The following GRIA3 variants were observed in gnomAD, a reference collection of about 807,000 sequenced individuals.
GRIA3 encodes glutamate ionotropic receptor AMPA type subunit 3.
A neutral mutation model predicts 63.0 loss-of-function variants in GRIA3; 3 were observed. The observed-to-expected ratio is 0.05, with a 90% CI of 0.02 to 0.12. The LOEUF is 0.12. Among genes scored for constraint, GRIA3 ranks in the 10% least tolerant of loss-of-function variants. GRIA3 has a pLI of 1.00. For missense variants in GRIA3, 347 were observed against 700.9 expected (o/e 0.50, Z 5.70); for synonymous variants, 274 against 257.9 (o/e 1.06, Z -0.60).
intron 2 of GRIA3, among the ~76,000 whole-genome samples, chrX:123,189,888 A>G (rs1395900142): frequency 9.0e-6 from 1 of 111,331 alleles, no homozygotes; most frequent in Non-Finnish European, 1.9e-5. Context: ...TTGAAATATA[A>G]CTGCTGAGAA....
At chrX:123,382,507 G>C (rs867510104) in intron 5 of GRIA3, among the ~76,000 whole-genome samples, 15 of 112,060 alleles carry the variant, frequency 1.3e-4, no homozygotes, top group South Asian at 7.5e-4. Context: ...GTTGGGTATA[G>C]AGATAAGTGC....
At chrX:123,455,471 C>T (rs1169659533) in intron 12 of GRIA3, among the ~76,000 whole-genome samples, 2 of 111,653 alleles carry the variant, frequency 1.8e-5, no homozygotes, top group Admixed American at 1.9e-4. Flanking sequence ...CCAAATGCAC[C>T]TTATTAGAGC....
At chrX:123,314,347 A>G (rs1244647650) in intron 3 of GRIA3, among the ~76,000 whole-genome samples, 1 of 112,744 alleles carries the variant, frequency 8.9e-6, no homozygotes, top group Admixed American at 9.4e-5. Context: ...GTGAGTTTGC[A>G]TCGCAGGCAG....
intron 2 of GRIA3, among the ~76,000 whole-genome samples, chrX:123,191,621 G>C (rs182372057): frequency 9.0e-6 from 1 of 110,985 alleles, no homozygotes; most frequent in Non-Finnish European, 1.9e-5. Flanking sequence ...GCTGGTCTCT[G>C]CCTACTCACT....
intron 3 of GRIA3, among the ~76,000 whole-genome samples, chrX:123,300,446 G>T (rs1248895503): frequency 1.0e-5 from 1 of 95,975 alleles, no homozygotes; most frequent in Non-Finnish European, 2.0e-5. Context: ...TCTTTTCAGG[G>T]ATTTAATTTC....
intron 1 of GRIA3, 142 bp downstream of exon 1, chrX:123,184,786 G>A (rs1927207760): frequency 5.9e-6 from 3 of 506,618 alleles, no homozygotes; most frequent in South Asian, 5.2e-5. Flanking sequence ...GAGATGGTGC[G>A]GGGCGGGGGG....
chrX:123,248,871 G>T (rs2044374328), intron 2 of GRIA3, among the ~76,000 whole-genome samples: 1 of 112,153 alleles, frequency 8.9e-6, no homozygotes, highest in Non-Finnish European at 1.9e-5. Flanking sequence ...TCCCCCAAAA[G>T]AATCATGACT....
chrX:123,297,786 T>C (rs2044695818), intron 3 of GRIA3, among the ~76,000 whole-genome samples: 1 of 110,615 alleles, frequency 9.0e-6, no homozygotes. Context: ...TAAACTTATG[T>C]CATAGGGGTT....
intron 5 of GRIA3, among the ~76,000 whole-genome samples, chrX:123,379,730 G>C (rs1252442226): frequency 9.8e-6 from 1 of 101,524 alleles, no homozygotes; most frequent in Non-Finnish European, 2.0e-5. Context: ...TGCCATGTTG[G>C]TGTGCTGCAC....
At chrX:123,199,441 C>A (rs182686232) in intron 2 of GRIA3, among the ~76,000 whole-genome samples, 1 of 109,940 alleles carries the variant, frequency 9.1e-6, no homozygotes, top group Admixed American at 9.8e-5. Context: ...CTTCTCATTT[C>A]CTATTCAAGC....
At chrX:123,400,208 T>C (rs1008249309) in intron 7 of GRIA3, among the ~76,000 whole-genome samples, 5 of 110,873 alleles carry the variant, frequency 4.5e-5, no homozygotes. Flanking sequence ...AAGATACCAA[T>C]TGGGCTAGGA....
At chrX:123,346,139 G>A (rs1267543396) in intron 4 of GRIA3, among the ~76,000 whole-genome samples, 1 of 111,712 alleles carries the variant, frequency 9.0e-6, no homozygotes, top group East Asian at 2.8e-4. Flanking sequence ...AAGCCAGGCA[G>A]TCTAGCCTGT....
At chrX:123,208,306 AGCC>A (rs1395189648) in intron 2 of GRIA3, among the ~76,000 whole-genome samples, 21 of 112,407 alleles carry the variant, frequency 1.9e-4, no homozygotes, top group Non-Finnish European at 3.9e-4. Context: ...CCTGGGTTCC[AGCC>A]CCAACTCTGT....
intron 2 of GRIA3, among the ~76,000 whole-genome samples, chrX:123,205,070 T>G (rs1927849554): frequency 8.9e-6 from 1 of 111,873 alleles, no homozygotes; most frequent in South Asian, 3.7e-4. Context: ...GGCACTTTAC[T>G]GGGAGCATCG....
chrX:123,281,392 C>G (rs1046191198), intron 3 of GRIA3, among the ~76,000 whole-genome samples: 13 of 112,228 alleles, frequency 1.2e-4, no homozygotes, highest in African/African-American at 4.2e-4. Context: ...ACAATAACTG[C>G]TGGACTTCTG....
chrX:123,378,572 G>C (rs999235567), intron 5 of GRIA3, among the ~76,000 whole-genome samples: 1 of 109,553 alleles, frequency 9.1e-6, no homozygotes, highest in African/African-American at 3.3e-5. Context: ...CACCACACCT[G>C]GTTAATTTTT....
intron 3 of GRIA3, among the ~76,000 whole-genome samples, chrX:123,289,988 T>A (rs1402057411): frequency 8.9e-6 from 1 of 111,850 alleles, no homozygotes; most frequent in African/African-American, 3.3e-5. Context: ...CCATTTATAC[T>A]TCATACTGAT....
intron 3 of GRIA3, among the ~76,000 whole-genome samples, chrX:123,318,012 G>C (rs972480967): frequency 8.9e-6 from 1 of 112,628 alleles, no homozygotes; most frequent in Admixed American, 9.3e-5. Flanking sequence ...TGACTTCTGT[G>C]CTGCCACAGG....
intron 12 of GRIA3, among the ~76,000 whole-genome samples, chrX:123,437,634 T>C (rs551166): frequency 0.21 from 23,047 of 110,585 alleles, 1,703 homozygotes; most frequent in South Asian, 0.29. Context: ...ATGGAGACTG[T>C]GTGAAGGAAT....
Sources: gnomAD v4.1 joint callset for allele counts (sites outside exome capture counted in the v4.1 genomes callset) on GRCh38, gnomAD v4.1.1 for gene constraint, MANE v1.5 for transcripts, NCBI Gene and HGNC (gene_info 2026-07-23, HGNC 2026-07-21) for gene names.